DNAH3: variants seen among roughly 807,000 people sequenced by gnomAD.
DNAH3 encodes the protein axonemal beta dynein heavy chain 3.
DNAH3 carries 332 observed loss-of-function variants against 432.5 expected under a neutral mutation model. The ratio of observed to expected loss-of-function variants is 0.77; its 90% CI spans 0.70 to 0.84. The LOEUF (loss-of-function observed/expected upper bound fraction) is 0.84. DNAH3 is among the 40% of genes least tolerant of loss of function. The pLI, the probability that DNAH3 is intolerant of heterozygous loss-of-function variation, is 0.00. For synonymous variants in DNAH3, 1,956 were observed against 1,900.2 expected (o/e 1.03, Z -0.76); for missense variants, 4,861 against 5,114.0 (o/e 0.95, Z 1.51).
chr16:21,042,158 G>C, exon 32 of DNAH3: 1 of 1,612,380 alleles, frequency 6.2e-7, no homozygotes, highest in Non-Finnish European at 8.5e-7. Context: ...ATGATGGCTT[G>C]TTGGATGCTG....
At chr16:20,965,795 C>T (rs1387342261) in intron 52 of DNAH3, among the ~76,000 whole-genome samples, 2 of 152,124 alleles carry the variant, frequency 1.3e-5, no homozygotes, top group Non-Finnish European at 2.9e-5. Context: ...TCACTGCAAC[C>T]TTCGCCTCCT....
exon 13 of DNAH3, chr16:21,112,075 T>G (rs146777585): frequency 6.2e-7 from 1 of 1,612,538 alleles, no homozygotes; most frequent in Non-Finnish European, 8.5e-7. Context: ...TAAGTCAACA[T>G]ACTTTTTGTA....
intron 5 of DNAH3, among the ~76,000 whole-genome samples, chr16:21,139,320 CTTTTTTTTTTTT>C (rs9302391): frequency 2.0e-4 from 6 of 29,630 alleles, no homozygotes; most frequent in South Asian, 2.8e-3. Context: ...TTTCCTCATG[CTTTTTTTTTTTT>C]TTTTTTTTTT....
At chr16:21,116,501 C>T (rs2092204139) in intron 12 of DNAH3, among the ~76,000 whole-genome samples, 1 of 152,090 alleles carries the variant, frequency 6.6e-6, no homozygotes, top group African/African-American at 2.4e-5. Context: ...ACCGACCGAC[C>T]ATAAGTTTCC....
intron 44 of DNAH3, among the ~76,000 whole-genome samples, chr16:20,995,934 G>C (rs182078406): frequency 6.6e-6 from 1 of 152,208 alleles, no homozygotes; most frequent in Admixed American, 6.5e-5. Context: ...TTCCTCTCAG[G>C]TCCATTCCTT....
At chr16:21,154,607 T>C (rs1312133565) in intron 1 of DNAH3, among the ~76,000 whole-genome samples, 2 of 152,194 alleles carry the variant, frequency 1.3e-5, no homozygotes, top group East Asian at 3.9e-4. Context: ...GTAGACATCA[T>C]GTCTTTGAAT....
intron 20 of DNAH3, among the ~76,000 whole-genome samples, chr16:21,081,349 A>C (rs548609266): frequency 9.9e-5 from 15 of 151,458 alleles, no homozygotes; most frequent in African/African-American, 3.6e-4. Flanking sequence ...AATCACTGAG[A>C]GCTGGGCTTG....
chr16:21,081,395 A>AC (rs2091180726), intron 20 of DNAH3, among the ~76,000 whole-genome samples: 1 of 150,124 alleles, frequency 6.7e-6, no homozygotes, highest in South Asian at 2.1e-4. Flanking sequence ...AAAAAAAAAA[A>AC]CCCTTTGAAA....
chr16:20,935,411 G>A lies in DNAH3; in HGVS notation c.11934C>T (p.Gly3978=), dbSNP rs780338990. ...ATTTCCGGGCATAATTTTGAGAGAC[G>A]CCAGTCAAAAAAGACTGTGTGAAGT... Residue 3978 remains glycine (G), a synonymous_variant, in exon 61 of 62, where the codon GGC becomes GGT. Transcript: ENST00000261383. The A allele has an allele frequency of 8.1e-6, 13 of 1,612,534 alleles. No individual in the cohort carries two copies. In the South Asian group the frequency reaches 8.8e-5, roughly 11 times the overall value.
exon 6 of DNAH3, chr16:21,136,391 C>G (rs1296729033): frequency 1.2e-6 from 2 of 1,614,070 alleles, no homozygotes; most frequent in Non-Finnish European, 1.7e-6. Flanking sequence ...CCATCAGGGG[C>G]TCCAGGAAGG....
chr16:21,136,168 C>T (rs1386404606), intron 6 of DNAH3, among the ~76,000 whole-genome samples, 156 bp downstream of exon 7: 2 of 152,080 alleles, frequency 1.3e-5, no homozygotes, highest in Non-Finnish European at 2.9e-5. Flanking sequence ...AATCCTAGCA[C>T]TTTGGGAGGC....
intron 20 of DNAH3, among the ~76,000 whole-genome samples, chr16:21,075,933 AAAAAAAAG>A (rs1241678172): frequency 1.3e-5 from 2 of 150,750 alleles, no homozygotes; most frequent in African/African-American, 4.9e-5. Flanking sequence ...AAAAAAAAAA[AAAAAAAAG>A]GGAGGAATTT....
Position 20,987,976 on chromosome 16 carries a change from G to A in DNAH3, c.6691C>T (p.His2231Tyr), listed in dbSNP as rs774491034. 1.9e-6 allele frequency: 3 copies of A among 1,614,162 alleles called. No individual in the cohort carries two copies. The highest frequency in any genetic ancestry group is 3.3e-5 in the Admixed American group (2 of 60,008). The change falls in exon 45 of 62, where the codon CAC becomes TAC. Residue 2231 changes from histidine to tyrosine, a missense_variant. By Grantham distance (83) the His-to-Tyr change is moderately conservative (BLOSUM62 2). Transcript: ENST00000261383. ...ATCACATCAAACCCTTTCCCGAAGT[G>A]CCAGTCAACAATCGAACTGAAAATC... is the stretch of plus-strand genomic sequence containing the variant.
intron 55 of DNAH3, among the ~76,000 whole-genome samples, chr16:20,954,331 C>T (rs537738364): frequency 2.0e-5 from 3 of 147,114 alleles, no homozygotes; most frequent in South Asian, 4.4e-4. Flanking sequence ...CACTCTGTCA[C>T]CCAGGCTGGA....
chr16:20,961,888 G>C (rs963246764), intron 53 of DNAH3, among the ~76,000 whole-genome samples: 1 of 147,422 alleles, frequency 6.8e-6, no homozygotes, highest in African/African-American at 2.5e-5. Context: ...TCAGCCTCCC[G>C]AGTAGCTCAC....
intron 1 of DNAH3, among the ~76,000 whole-genome samples, chr16:21,152,232 C>CA (rs113784810): frequency 0.013 from 1,927 of 149,948 alleles, 39 homozygotes; most frequent in African/African-American, 0.042. Context: ...AACTCCATCT[C>CA]AAAAAAAAAG....
Position 20,985,349 on chromosome 16 carries a change from C to A in DNAH3, c.7393G>T (p.Ala2465Ser), listed in dbSNP as rs755459778. Reference sequence around the variant, plus strand: ...AGATCTTCTCGCCAGTCATTGCCTGCGTAGTTCTTGGTGATCTCAATCTGG... The same window carrying A: ...AGATCTTCTCGCCAGTCATTGCCTGAGTAGTTCTTGGTGATCTCAATCTGG... Residue 2465 changes from alanine to serine, a missense_variant, in exon 48 of 62, where the codon GCA becomes TCA. Ala to Ser is a moderately conservative substitution (Grantham distance 99). Coordinates refer to ENST00000261383, the Ensembl canonical transcript of DNAH3. The A allele has an allele frequency of 2.5e-6, 4 of 1,614,192 alleles. No homozygotes were observed. The South Asian group carries it at 3.3e-5, about 13-fold the overall frequency.
rs138901079 is a variant in DNAH3, at chr16:21,146,062, G to A, written c.144C>T (p.His48=). 3.9e-4 allele frequency: 627 copies of A among 1,613,460 alleles called. 4 individuals are homozygous for A. The African/African-American group carries it at 6.2e-3, about 16-fold the overall frequency. The change falls in exon 2 of 62, where the codon CAC becomes CAT. Residue 48 remains histidine (H), a synonymous_variant. Coordinates refer to ENST00000261383, the Ensembl canonical transcript of DNAH3. ...CTGGCTGCCCCTGGGAGTGGCTCAT[G>A]TGATGTATGGAGTCACTTTTGGCGA...
At chr16:21,108,248 G>T (rs552278208) in intron 14 of DNAH3, among the ~76,000 whole-genome samples, 2 of 152,280 alleles carry the variant, frequency 1.3e-5, no homozygotes, top group Admixed American at 1.3e-4. Flanking sequence ...CCAACCTGGG[G>T]TGTCTGCATT....
Sources: gnomAD v4.1 joint callset for allele counts (sites outside exome capture counted in the v4.1 genomes callset) on GRCh38, gnomAD v4.1.1 for gene constraint, MANE v1.5 for transcripts, NCBI Gene and HGNC (gene_info 2026-07-23, HGNC 2026-07-21) for gene names.